PARP8: variants seen among roughly 807,000 people sequenced by gnomAD.
PARP8 encodes the protein protein mono-ADP-ribosyltransferase PARP8.
A neutral mutation model predicts 124.1 loss-of-function variants in PARP8; 51 were observed. The ratio of observed to expected loss-of-function variants is 0.41; its 90% confidence interval spans 0.33 to 0.52. PARP8 has a LOEUF of 0.52. PARP8 is among the 20% of genes least tolerant of loss of function. The pLI, the probability that PARP8 is intolerant of heterozygous loss-of-function variation, is 0.21. For missense variants in PARP8, 860 were observed against 1,018.9 expected (o/e 0.84, Z 2.12); for synonymous variants, 391 against 361.5 (o/e 1.08, Z -0.93).
chr5:50,742,057 G>A (rs1758104455), intron 2 of PARP8: 8 of 253,048 alleles, frequency 3.2e-5, no homozygotes, highest in Non-Finnish European at 4.8e-5. Context: ...TGATCCGCCC[G>A]CTTTGGCCTC....
intron 3 of PARP8, among the ~76,000 whole-genome samples, chr5:50,754,116 C>CATATATATATATATATATATATAT (rs373375463): frequency 3.2e-4 from 21 of 64,620 alleles, no homozygotes; most frequent in Non-Finnish European, 4.8e-4. Flanking sequence ...TGAAAACATT[C>CATATATATATATATATATATATAT]ATATATATAT....
intron 2 of PARP8, among the ~76,000 whole-genome samples, chr5:50,723,662 T>A (rs1460955990): frequency 6.6e-6 from 1 of 151,960 alleles, no homozygotes; most frequent in Non-Finnish European, 1.5e-5. Flanking sequence ...CTTAAAGGTA[T>A]GTAGAAAGAA....
chr5:50,821,492 G>T (rs549565800), intron 16 of PARP8, among the ~76,000 whole-genome samples, 154 bp downstream of exon 16: 1 of 152,220 alleles, frequency 6.6e-6, no homozygotes, highest in East Asian at 1.9e-4. Context: ...TATTTTTGGG[G>T]ATTCCGACTT....
intron 15 of PARP8, among the ~76,000 whole-genome samples, chr5:50,819,457 T>G (rs2656961): frequency 7.9e-6 from 1 of 126,880 alleles, no homozygotes; most frequent in African/African-American, 3.2e-5. Context: ...TTTTTTTTTT[T>G]GAGACGGAGT....
intron 7 of PARP8, among the ~76,000 whole-genome samples, chr5:50,773,477 G>A (rs1038764247): frequency 6.6e-6 from 1 of 152,154 alleles, no homozygotes; most frequent in Non-Finnish European, 1.5e-5. Context: ...AAATCAGTTG[G>A]TTGTAAGTGT....
rs541595741 is a variant in PARP8, at chr5:50,842,965, G to A, written c.*897G>A. The A allele has an allele frequency of 6.6e-6, 1 of 151,408 alleles. No individual in the cohort carries two copies. The highest frequency in any genetic ancestry group is 1.9e-4 in the East Asian group (1 of 5,154). 9.4% of individuals were successfully genotyped at this position (151,408 alleles called of 1,614,324 possible). A position where few individuals can be genotyped will look rare whatever the true frequency, so the allele number is the denominator to read the frequency against. On this transcript the variant is annotated 3_prime_UTR_variant, in exon 26 of 26. Coordinates refer to ENST00000281631, the MANE Select transcript of PARP8 (RefSeq NM_024615.4). ...TTATGTATTTAAAAGAAAGACCTCA[G>A]AATTTAAAGAAACCATATATATTTT...
chr5:50,801,928 CA>C (rs1743273088), intron 14 of PARP8, among the ~76,000 whole-genome samples: 1 of 152,112 alleles, frequency 6.6e-6, no homozygotes, highest in South Asian at 2.1e-4. Context: ...GTAACCACTG[CA>C]GCTCTCTATT....
chr5:50,837,180 A>C (rs1747677162), intron 25 of PARP8, among the ~76,000 whole-genome samples: 1 of 152,154 alleles, frequency 6.6e-6, no homozygotes, highest in Non-Finnish European at 1.5e-5. Context: ...TAAATAATAC[A>C]AGGAAAAATT....
chr5:50,751,528 G>A (rs1473699194), intron 3 of PARP8, among the ~76,000 whole-genome samples: 5 of 152,000 alleles, frequency 3.3e-5, no homozygotes, highest in Admixed American at 6.6e-5. Context: ...TTTAAATACC[G>A]GGGCAGAATT....
At chr5:50,784,133 A>T (rs929832820) in intron 9 of PARP8, among the ~76,000 whole-genome samples, 6 of 152,210 alleles carry the variant, frequency 3.9e-5, no homozygotes, top group African/African-American at 1.4e-4. Flanking sequence ...TGTATGGCTA[A>T]TTCAAGATTT....
At chr5:50,669,367 T>C (rs1390119342) in intron 2 of PARP8, 2 of 152,260 alleles carry the variant, frequency 1.3e-5, no homozygotes, top group Admixed American at 6.5e-5. Flanking sequence ...AGGATCTTCG[T>C]ATATGACTAA....
At chr5:50,815,685 A>T (rs1455304262) in intron 15 of PARP8, among the ~76,000 whole-genome samples, 161 bp downstream of exon 15, 1 of 152,182 alleles carries the variant, frequency 6.6e-6, no homozygotes, top group Non-Finnish European at 1.5e-5. Flanking sequence ...ACTAAATGTG[A>T]TCTCTCCATC....
chr5:50,703,200 C>G (rs1448545217), intron 2 of PARP8, among the ~76,000 whole-genome samples: 1 of 150,316 alleles, frequency 6.7e-6, no homozygotes, highest in African/African-American at 2.5e-5. Context: ...ACTTGGGAGG[C>G]GGAGGTGGGG....
intron 18 of PARP8, among the ~76,000 whole-genome samples, chr5:50,825,359 A>G (rs1184508600): frequency 6.6e-6 from 1 of 152,174 alleles, no homozygotes; most frequent in Non-Finnish European, 1.5e-5. Flanking sequence ...TATTATTGAA[A>G]TCTTTCTAAT....
intron 2 of PARP8, among the ~76,000 whole-genome samples, chr5:50,727,771 A>G (rs1756573389): frequency 6.6e-6 from 1 of 152,188 alleles, no homozygotes; most frequent in Non-Finnish European, 1.5e-5. Flanking sequence ...TTTTTGTCCC[A>G]TCATCGCATC....
intron 2 of PARP8, among the ~76,000 whole-genome samples, chr5:50,748,753 T>C (rs561797121): frequency 6.6e-6 from 1 of 152,348 alleles, no homozygotes; most frequent in South Asian, 2.1e-4. Flanking sequence ...TGACTTCTTT[T>C]AGAATGTTTC....
At chr5:50,769,530 T>C (rs1449913110) in intron 7 of PARP8, among the ~76,000 whole-genome samples, 1 of 152,064 alleles carries the variant, frequency 6.6e-6, no homozygotes, top group East Asian at 1.9e-4. Context: ...TTATAATGTT[T>C]ATTTAACCCA....
At chr5:50,712,771 G>A (rs1754900518) in intron 2 of PARP8, among the ~76,000 whole-genome samples, 1 of 152,028 alleles carries the variant, frequency 6.6e-6, no homozygotes, top group Non-Finnish European at 1.5e-5. Flanking sequence ...TATGGATCTG[G>A]TGGTCAGAAG....
rs1270885347 is a variant in PARP8, at chr5:50,695,618, G to A, written c.146+27493G>A. On this transcript the variant is annotated intron_variant, in intron 2 of 25. Transcript: ENST00000281631. ...CATTTATATCCTGTGATTATTTTTCGATTTCATTCTAATATTTGCATCCTT... is the reference window on the plus strand; with the variant it reads ...CATTTATATCCTGTGATTATTTTTCAATTTCATTCTAATATTTGCATCCTT... Among the ~76,000 whole-genome samples the A allele has an allele frequency of 5.3e-5, 8 of 151,842 alleles. No individual in the cohort carries two copies. The South Asian group carries it at 1.0e-3, about 20-fold the overall frequency.
Sources: allele counts gnomAD v4.1 joint callset (sites outside exome capture counted in the v4.1 genomes callset), GRCh38; gene constraint gnomAD v4.1.1; transcripts MANE v1.5; gene names NCBI Gene and HGNC (gene_info 2026-07-23, HGNC 2026-07-21).